RBFOX1: variants seen among roughly 807,000 people sequenced by gnomAD.
The protein encoded by RBFOX1 is RNA binding fox-1 homolog 1.
In RBFOX1, 8 loss-of-function variants were observed where a neutral mutation model predicts 57.7. That is an observed-to-expected ratio of 0.14 (90% CI 0.08 to 0.25). The LOEUF is 0.25. Among genes scored for constraint, RBFOX1 ranks in the 10% least tolerant of loss-of-function variants. The pLI is 1.00. For synonymous variants in RBFOX1, 326 were observed against 222.4 expected (o/e 1.47, Z -4.15); for missense variants, 611 against 548.5 (o/e 1.11, Z -1.14).
At position 7,091,561 on chromosome 16, in the gene RBFOX1, T is replaced by C. The variant is rs553814332; in HGVS notation, c.27+39463T>C. The stretch of plus-strand genomic sequence containing the variant: ...AAAGAAGAAAACGAAAATGCATCAT[T>C]TTTTCTACAGGATCCTGAGAGTCCT... On this transcript the variant is annotated intron_variant, in intron 4 of 15. Coordinates refer to ENST00000550418, the MANE Select transcript of RBFOX1 (RefSeq NM_018723.4). Among the ~76,000 whole-genome samples the C allele has an allele frequency of 1.2e-4, 18 of 152,190 alleles. No homozygotes were observed. In the South Asian group the frequency reaches 3.7e-3, roughly 32 times the overall value.
chr16:6,054,775 C>CT (rs940027409), intron 1 of RBFOX1, among the ~76,000 whole-genome samples: 2 of 151,950 alleles, frequency 1.3e-5, no homozygotes, highest in African/African-American at 4.8e-5. Context: ...ATATTGGCTA[C>CT]TTTTTTTATT....
chr16:5,370,669 A>G (rs1342871845), intron 1 of RBFOX1, among the ~76,000 whole-genome samples: 1 of 149,056 alleles, frequency 6.7e-6, no homozygotes, highest in Non-Finnish European at 1.5e-5. Context: ...TTTTTTTTTT[A>G]TGTTTTGTAG....
At chr16:6,284,979 G>T (rs2076754534) in intron 1 of RBFOX1, among the ~76,000 whole-genome samples, 1 of 152,092 alleles carries the variant, frequency 6.6e-6, no homozygotes, top group Admixed American at 6.6e-5. Flanking sequence ...GGGTATCGGG[G>T]AAATTCACAG....
chr16:6,091,258 C>T (rs943018506), intron 1 of RBFOX1, among the ~76,000 whole-genome samples: 3 of 152,184 alleles, frequency 2.0e-5, no homozygotes, highest in African/African-American at 7.2e-5. Flanking sequence ...TATTCTCTTA[C>T]ATCTATGATA....
chr16:7,192,240 T>A (rs4786977), intron 4 of RBFOX1, among the ~76,000 whole-genome samples: 137,301 of 152,286 alleles, frequency 0.9, 62,234 homozygotes, highest in African/African-American at 0.98. Flanking sequence ...TTTTAGCCTC[T>A]TGGTAGCCTG....
chr16:7,646,227 C>G (rs534811474), intron 11 of RBFOX1, among the ~76,000 whole-genome samples: 1 of 152,166 alleles, frequency 6.6e-6, no homozygotes. Flanking sequence ...GTTCATTGCA[C>G]GATGCCCTGC....
intron 3 of RBFOX1, among the ~76,000 whole-genome samples, chr16:5,735,857 C>G (rs2052551246): frequency 6.6e-6 from 1 of 152,106 alleles, no homozygotes. Flanking sequence ...GCCTTGGTGA[C>G]AGAGCAAGAC....
intron 1 of RBFOX1, among the ~76,000 whole-genome samples, chr16:6,257,932 A>G (rs949728502): frequency 6.6e-6 from 1 of 152,154 alleles, no homozygotes; most frequent in East Asian, 1.9e-4. Context: ...TCCTTTCGGT[A>G]TATCCCCAGT....
chr16:5,498,076 G>C (rs1260778735), intron 2 of RBFOX1, among the ~76,000 whole-genome samples: 2 of 152,154 alleles, frequency 1.3e-5, no homozygotes, highest in African/African-American at 4.8e-5. Flanking sequence ...TGAGGGAGAG[G>C]GGGCAGAGGG....
intron 4 of RBFOX1, among the ~76,000 whole-genome samples, chr16:5,974,634 C>T (rs2060026712): frequency 6.6e-6 from 1 of 151,774 alleles, no homozygotes; most frequent in South Asian, 2.1e-4. Context: ...AAAATAAGAT[C>T]TGTCCCCAAC....
At chr16:7,250,198 G>A (rs1228507847) in intron 4 of RBFOX1, among the ~76,000 whole-genome samples, 3 of 152,142 alleles carry the variant, frequency 2.0e-5, no homozygotes, top group South Asian at 2.1e-4. Context: ...CAAATGTGGT[G>A]TTTCTAAATG....
At chr16:5,952,183 C>T (rs2059534984) in intron 4 of RBFOX1, among the ~76,000 whole-genome samples, 1 of 150,906 alleles carries the variant, frequency 6.6e-6, no homozygotes, top group South Asian at 2.1e-4. Flanking sequence ...TGAAGTCTCA[C>T]TCTGTTTCCC....
chr16:5,407,579 C>G (rs570480668), intron 1 of RBFOX1, among the ~76,000 whole-genome samples: 1 of 151,872 alleles, frequency 6.6e-6, no homozygotes, highest in Non-Finnish European at 1.5e-5. Context: ...TTTTTTGTCT[C>G]ACTCTGTCAC....
chr16:7,206,050 T>C (rs1353624463), intron 4 of RBFOX1, among the ~76,000 whole-genome samples: 1 of 152,196 alleles, frequency 6.6e-6, no homozygotes, highest in African/African-American at 2.4e-5. Flanking sequence ...GATGTTTAGT[T>C]TTACTTAGAC....
At chr16:7,248,293 C>G (rs1412218979) in intron 4 of RBFOX1, among the ~76,000 whole-genome samples, 1 of 152,172 alleles carries the variant, frequency 6.6e-6, no homozygotes, top group African/African-American at 2.4e-5. Flanking sequence ...GCCTTTCCTA[C>G]CTACTGCTCA....
chr16:5,602,951 T>C (rs545931557), downstream of RBFOX1, among the ~76,000 whole-genome samples: 7 of 152,192 alleles, frequency 4.6e-5, no homozygotes, highest in Non-Finnish European at 1.0e-4. Context: ...GTCATGGAAA[T>C]GCTGTGTCGT....
chr16:7,670,124 C>T (rs1057106406), intron 13 of RBFOX1, among the ~76,000 whole-genome samples: 1 of 152,136 alleles, frequency 6.6e-6, no homozygotes, highest in Non-Finnish European at 1.5e-5. Flanking sequence ...CTCTGCCTCC[C>T]AGGTTCAAGC....
intron 2 of RBFOX1, among the ~76,000 whole-genome samples, chr16:6,545,848 A>C (rs1215230929): frequency 1.3e-5 from 2 of 152,206 alleles, no homozygotes; most frequent in African/African-American, 4.8e-5. Context: ...AAAACTTGGA[A>C]ATGTTAAGAA....
intron 1 of RBFOX1, among the ~76,000 whole-genome samples, chr16:5,360,512 A>G (rs938808529): frequency 4.6e-5 from 7 of 152,332 alleles, no homozygotes; most frequent in African/African-American, 1.7e-4. Context: ...CCTTCCCGTT[A>G]TACCAGTATC....
Sources: allele counts gnomAD v4.1 joint callset (sites outside exome capture counted in the v4.1 genomes callset), GRCh38; gene constraint gnomAD v4.1.1; transcripts MANE v1.5; gene names NCBI Gene and HGNC (gene_info 2026-07-23, HGNC 2026-07-21).